The following OVCH1 variants were observed in gnomAD, a reference collection of about 807,000 sequenced individuals.
OVCH1 encodes the protein ovochymase 1.
In OVCH1, 139 loss-of-function variants were observed where a neutral mutation model predicts 138.4. The observed-to-expected ratio is 1.00, with a 90% CI of 0.87 to 1.16. The LOEUF (loss-of-function observed/expected upper bound fraction) is 1.16. OVCH1 is among the 50% of genes most tolerant of loss of function. OVCH1 has a pLI of 0.00. For missense variants in OVCH1, 1,367 were observed against 1,357.9 expected (o/e 1.01, Z -0.11); for synonymous variants, 453 against 467.8 (o/e 0.97, Z 0.41).
At chr12:29,457,739 CCTA>C (rs1302133473) in intron 19 of OVCH1, among the ~76,000 whole-genome samples, 1 of 151,940 alleles carries the variant, frequency 6.6e-6, no homozygotes, top group Non-Finnish European at 1.5e-5. Context: ...TTATTCAATG[CCTA>C]CTGTGAGCCA....
intron 25 of OVCH1, among the ~76,000 whole-genome samples, chr12:29,442,596 T>A (rs1023539987): frequency 2.6e-5 from 4 of 151,536 alleles, no homozygotes; most frequent in Non-Finnish European, 4.4e-5. Context: ...CATTGTGCAC[T>A]TGTACCCTAA....
rs577678979 is a variant in OVCH1, at chr12:29,455,713, A to G, written c.2281-308T>C. ...GGGAGATAGTCTTTAAATTATATCAATTAGTAAAACTGTAATATTTAAGAT... is the reference window on the plus strand; with the variant it reads ...GGGAGATAGTCTTTAAATTATATCAGTTAGTAAAACTGTAATATTTAAGAT... On this transcript the variant is annotated intron_variant, in intron 19 of 27. Transcript: ENST00000318184. Among the ~76,000 whole-genome samples the G allele has an allele frequency of 7.2e-5, 11 of 152,338 alleles. No individual in the cohort carries two copies. The South Asian group carries it at 1.7e-3, about 23-fold the overall frequency.
chr12:29,485,569 T>C (rs1365396551), intron 8 of OVCH1, among the ~76,000 whole-genome samples: 2 of 151,900 alleles, frequency 1.3e-5, no homozygotes, highest in Non-Finnish European at 2.9e-5. Context: ...GGTCAGGAGA[T>C]CGAGACCATC....
At chr12:29,428,481 T>A (rs886399083) in intron 27 of OVCH1, among the ~76,000 whole-genome samples, 1 of 152,158 alleles carries the variant, frequency 6.6e-6, no homozygotes, top group Non-Finnish European at 1.5e-5. Flanking sequence ...ATTTCTAGGG[T>A]CTTTGGTGAA....
chr12:29,445,305 T>C (rs781741114), exon 23 of OVCH1: 3 of 1,611,946 alleles, frequency 1.9e-6, no homozygotes, highest in African/African-American at 1.3e-5. Context: ...ATATAGCTTA[T>C]ACCAAATGCA....
chr12:29,425,450 A>G (rs147438560), downstream of OVCH1, among the ~76,000 whole-genome samples: 2 of 152,324 alleles, frequency 1.3e-5, no homozygotes, highest in African/African-American at 4.8e-5. Context: ...GGAACTTATC[A>G]GCATTTTCTC....
intron 16 of OVCH1, among the ~76,000 whole-genome samples, chr12:29,469,304 C>T (rs938447434): frequency 1.3e-5 from 2 of 152,014 alleles, no homozygotes; most frequent in Admixed American, 6.6e-5. Flanking sequence ...TCCCCAAATC[C>T]ATAACCTCAG....
intron 3 of OVCH1, 103 bp downstream of exon 3, chr12:29,496,078 G>C: frequency 9.2e-7 from 1 of 1,082,366 alleles, no homozygotes; most frequent in South Asian, 1.5e-5. Flanking sequence ...GGAGGCAAAA[G>C]TAAGAAAGGG....
intron 21 of OVCH1, among the ~76,000 whole-genome samples, chr12:29,452,263 G>A (rs1941817243): frequency 6.6e-6 from 1 of 152,094 alleles, no homozygotes; most frequent in Admixed American, 6.6e-5. Flanking sequence ...ACATAATTAT[G>A]CATGCTCTGC....
At chr12:29,464,667 G>T (rs1460894496) in exon 18 of OVCH1, 1 of 1,613,510 alleles carries the variant, frequency 6.2e-7, no homozygotes, top group Admixed American at 1.7e-5. Context: ...GTGTGTTAAA[G>T]TCTTCATGCA....
chr12:29,445,194 T>C (rs1941579385), intron 23 of OVCH1, 84 bp downstream of exon 23: 1 of 1,350,136 alleles, frequency 7.4e-7, no homozygotes, highest in Non-Finnish European at 1.0e-6. Context: ...TCTTTCAAAA[T>C]GTTGTATATG....
intron 18 of OVCH1, among the ~76,000 whole-genome samples, chr12:29,462,624 T>C (rs972806504): frequency 6.6e-6 from 1 of 152,120 alleles, no homozygotes; most frequent in Non-Finnish European, 1.5e-5. Context: ...TTAAGTTTAA[T>C]ATTTTATAGC....
At chr12:29,463,157 A>C (rs908245436) in intron 18 of OVCH1, among the ~76,000 whole-genome samples, 1 of 152,160 alleles carries the variant, frequency 6.6e-6, no homozygotes, top group African/African-American at 2.4e-5. Flanking sequence ...ATCTGCCTCC[A>C]AGAGGTTCTC....
In OVCH1 at chr12:29,451,425, A is replaced by G. The variant is rs984464413; in HGVS notation, c.2675T>C (p.Leu892Pro). The change falls in exon 22 of 28, where the codon CTG becomes CCG. Residue 892 changes from leucine (L) to proline (P), a missense_variant. Physicochemically the swap from Leu to Pro is moderately conservative, Grantham distance 98. Transcript: ENST00000318184. Reference sequence around the variant, plus strand: ...ACACACAGGAGACCCCAGGAGTGACAGATACTCAATGGTAAATTTTGCCAT... The same window carrying G: ...ACACACAGGAGACCCCAGGAGTGACGGATACTCAATGGTAAATTTTGCCAT... 3 of 1,613,236 alleles carry G rather than the reference A, an allele frequency of 1.9e-6. No homozygotes were observed. In the African/African-American group the frequency reaches 4.0e-5, roughly 22 times the overall value.
intron 16 of OVCH1, among the ~76,000 whole-genome samples, chr12:29,466,811 C>G (rs1942335449): frequency 6.6e-6 from 1 of 152,106 alleles, no homozygotes; most frequent in African/African-American, 2.4e-5. Context: ...GAAAGAGTCC[C>G]TCTACTGGAA....
At chr12:29,491,820 A>G (rs1169518827) in intron 4 of OVCH1, among the ~76,000 whole-genome samples, 1 of 152,256 alleles carries the variant, frequency 6.6e-6, no homozygotes, top group Admixed American at 6.5e-5. Context: ...GGAAAAAAAC[A>G]TATTACCAAA....
the OVCH1 span, among the ~76,000 whole-genome samples, chr12:29,403,963 C>T: frequency 1.3e-5 from 2 of 152,264 alleles, no homozygotes; most frequent in South Asian, 2.1e-4. Context: ...ACTGTAAGTT[C>T]CCAGGAGGCA....
At chr12:29,449,265 T>TC (rs1565577792) in intron 22 of OVCH1, among the ~76,000 whole-genome samples, 2 of 133,536 alleles carry the variant, frequency 1.5e-5, no homozygotes, top group Non-Finnish European at 1.6e-5. Context: ...CTTGCCTTTT[T>TC]CCCCCCTCCC....
intron 2 of OVCH1, 127 bp from the exon 3 acceptor site, chr12:29,496,405 AG>A: frequency 8.8e-7 from 1 of 1,133,848 alleles, no homozygotes; most frequent in Non-Finnish European, 1.3e-6. Flanking sequence ...TAAATTGGAT[AG>A]TAAGATAGTT....
Sources: gnomAD v4.1 joint callset for allele counts (sites outside exome capture counted in the v4.1 genomes callset) on GRCh38, gnomAD v4.1.1 for gene constraint, MANE v1.5 for transcripts, NCBI Gene and HGNC (gene_info 2026-07-23, HGNC 2026-07-21) for gene names.